The following ULK4 variants were observed in gnomAD, a reference collection of about 807,000 sequenced individuals.
The protein encoded by ULK4 is inactive serine/threonine-protein kinase ULK4.
Under a neutral mutation model 160.6 loss-of-function variants are expected in ULK4, and 133 were observed. The ratio of observed to expected loss-of-function variants is 0.83; its 90% CI spans 0.72 to 0.96. The LOEUF is 0.96. Ranked by LOEUF, ULK4 falls within the 40% of genes least tolerant of loss-of-function variation. ULK4 has a pLI of 0.00. For synonymous variants in ULK4, 534 were observed against 539.8 expected (o/e 0.99, Z 0.15); for missense variants, 1,580 against 1,499.5 (o/e 1.05, Z -0.89).
chr3:41,595,858 G>A (rs1335342025), intron 31 of ULK4, among the ~76,000 whole-genome samples: 1 of 152,210 alleles, frequency 6.6e-6, no homozygotes, highest in Non-Finnish European at 1.5e-5. Context: ...AGAAAAGACA[G>A]TGCCAAAGAC....
chr3:41,274,283 C>A (rs896344211), intron 35 of ULK4, among the ~76,000 whole-genome samples: 1 of 152,138 alleles, frequency 6.6e-6, no homozygotes, highest in African/African-American at 2.4e-5. Flanking sequence ...TGACCAGATA[C>A]GGAAATTCTC....
chr3:41,611,367 G>A (rs2032669151), intron 31 of ULK4, among the ~76,000 whole-genome samples: 2 of 152,096 alleles, frequency 1.3e-5, no homozygotes, highest in Non-Finnish European at 2.9e-5. Context: ...CAGCTGCCTG[G>A]CTTTCTCCAC....
At chr3:41,839,379 A>G (rs1292255625) in intron 17 of ULK4, among the ~76,000 whole-genome samples, 1 of 151,016 alleles carries the variant, frequency 6.6e-6, no homozygotes, top group Non-Finnish European at 1.5e-5. Context: ...ACTACAAAAA[A>G]TACTAAATAT....
At chr3:41,279,269 AAAAAAAC>A (rs1424991970) in intron 35 of ULK4, among the ~76,000 whole-genome samples, 1 of 121,838 alleles carries the variant, frequency 8.2e-6, no homozygotes, top group African/African-American at 3.7e-5. Flanking sequence ...AAAAAAAAAA[AAAAAAAC>A]AAAACGACAA....
At chr3:41,903,241 C>T (rs547359945) in intron 12 of ULK4, among the ~76,000 whole-genome samples, 1 of 152,242 alleles carries the variant, frequency 6.6e-6, no homozygotes, top group Non-Finnish European at 1.5e-5. Context: ...GATAATATAA[C>T]TGAACATCCA....
chr3:41,249,634 T>C lies in ULK4; in HGVS notation c.3679-60A>G, dbSNP rs2078707850. The C allele has an allele frequency of 7.2e-6, 11 of 1,529,320 alleles. No homozygotes were observed. The South Asian group carries it at 8.4e-5, about 12-fold the overall frequency. 94.7% of individuals were successfully genotyped at this position (1,529,320 alleles called of 1,614,324 possible). A position where few individuals can be genotyped will look rare whatever the true frequency, so the allele number is the denominator to read the frequency against. ...TGACCCGTCCCTGACTCATGCCCTG[T>C]TGGATGGGCACCCTGAGTATCAGGC... On this transcript the variant is annotated intron_variant, in intron 35 of 36. Transcript: ENST00000301831.
intron 31 of ULK4, among the ~76,000 whole-genome samples, chr3:41,583,384 G>C (rs2030534646): frequency 6.6e-6 from 1 of 152,040 alleles, no homozygotes; most frequent in African/African-American, 2.4e-5. Flanking sequence ...TTTCCACTAT[G>C]AATCTCTGTG....
intron 35 of ULK4, among the ~76,000 whole-genome samples, chr3:41,279,381 A>G (rs1337022665): frequency 6.6e-6 from 1 of 152,074 alleles, no homozygotes; most frequent in South Asian, 2.1e-4. Flanking sequence ...AAGTTAGAAA[A>G]CTCTTCAGGA....
chr3:41,706,366 T>C lies in ULK4; in HGVS notation c.2635-1061A>G, dbSNP rs184546380. Among the ~76,000 whole-genome samples the C allele has an allele frequency of 1.5e-4, 22 of 146,388 alleles. No homozygotes were observed. The East Asian group carries it at 3.7e-3, about 25-fold the overall frequency. On this transcript the variant is annotated intron_variant, in intron 25 of 36. Transcript: ENST00000301831. Reference sequence around the variant, plus strand: ...ACAAAATAATATATATATATTTATATATATATTTAATATATATATTTATAT... The same window carrying C: ...ACAAAATAATATATATATATTTATACATATATTTAATATATATATTTATAT...
Position 41,444,936 on chromosome 3 carries a change from C to T in ULK4, c.3492+10561G>A, listed in dbSNP as rs190036446. Among the ~76,000 whole-genome samples the T allele has an allele frequency of 2.4e-3, 364 of 152,178 alleles. 1 individual carries two copies. The highest frequency in any genetic ancestry group is 3.5e-3 in the Admixed American group (53 of 15,282). Reference sequence around the variant, plus strand: ...TAAGAAAAGAGGAATTCAAATTGTCCCTGTTTGAAGATGACATGATTGTAT... The same window carrying T: ...TAAGAAAAGAGGAATTCAAATTGTCTCTGTTTGAAGATGACATGATTGTAT... On this transcript the variant is annotated intron_variant, in intron 34 of 36. Coordinates refer to ENST00000301831, the MANE Select transcript of ULK4 (RefSeq NM_017886.4).
intron 32 of ULK4, among the ~76,000 whole-genome samples, chr3:41,465,961 C>G (rs7618902): frequency 0.33 from 49,415 of 151,916 alleles, 9,181 homozygotes; most frequent in African/African-American, 0.51. Context: ...GAAGGGTAGA[C>G]GAAGATAGAA....
At chr3:41,698,670 T>C (rs1422958352) in intron 27 of ULK4, among the ~76,000 whole-genome samples, 1 of 152,192 alleles carries the variant, frequency 6.6e-6, no homozygotes, top group Non-Finnish European at 1.5e-5. Flanking sequence ...CATATTTATG[T>C]AAATTTTTAA....
chr3:41,541,522 G>T (rs1029167564), intron 32 of ULK4, among the ~76,000 whole-genome samples: 1 of 152,056 alleles, frequency 6.6e-6, no homozygotes, highest in Non-Finnish European at 1.5e-5. Context: ...CTCTTTTCTG[G>T]TCCCGTATGA....
intron 21 of ULK4, among the ~76,000 whole-genome samples, chr3:41,770,920 C>G (rs575469691): frequency 6.6e-6 from 1 of 152,078 alleles, no homozygotes; most frequent in Non-Finnish European, 1.5e-5. Flanking sequence ...TCTAAAGAAG[C>G]CTTTTTATTT....
At chr3:41,648,678 C>A (rs913023601) in intron 30 of ULK4, among the ~76,000 whole-genome samples, 5 of 152,186 alleles carry the variant, frequency 3.3e-5, no homozygotes, top group Non-Finnish European at 7.3e-5. Context: ...TCAATTACCC[C>A]TCTCCACTTG....
At chr3:41,763,567 AT>A (rs1158832430) in intron 21 of ULK4, among the ~76,000 whole-genome samples, 1 of 152,210 alleles carries the variant, frequency 6.6e-6, no homozygotes, top group Admixed American at 6.5e-5. Context: ...ATAATATTCC[AT>A]TGTGTGACTA....
At chr3:41,919,671 GTTT>G in intron 6 of ULK4, 43 bp downstream of exon 6, 1 of 1,508,780 alleles carries the variant, frequency 6.6e-7, no homozygotes, top group Non-Finnish European at 9.2e-7. Flanking sequence ...ACTTAACCTG[GTTT>G]TTAGTCCAGC....
At chr3:41,452,850 C>G (rs912157596) in intron 34 of ULK4, among the ~76,000 whole-genome samples, 6 of 152,116 alleles carry the variant, frequency 3.9e-5, no homozygotes, top group Non-Finnish European at 8.8e-5. Flanking sequence ...AACTTAAAAA[C>G]AGCCAAAACA....
At chr3:41,528,120 T>C (rs1027861091) in intron 32 of ULK4, among the ~76,000 whole-genome samples, 1 of 152,204 alleles carries the variant, frequency 6.6e-6, no homozygotes, top group African/African-American at 2.4e-5. Context: ...TTTTTTGTTT[T>C]ATGGAAGAAA....
Sources: allele counts gnomAD v4.1 joint callset (sites outside exome capture counted in the v4.1 genomes callset), GRCh38; gene constraint gnomAD v4.1.1; transcripts MANE v1.5; gene names NCBI Gene and HGNC (gene_info 2026-07-23, HGNC 2026-07-21).